Variants in MPPED1 observed in about 807,000 individuals in gnomAD.
The protein encoded by MPPED1 is metallophosphoesterase domain containing 1, also known as metallophosphoesterase domain-containing protein 1.
MPPED1 carries 16 observed loss-of-function variants against 36.2 expected under a neutral mutation model. The ratio of observed to expected loss-of-function variants is 0.44; its 90% confidence interval spans 0.30 to 0.67. The LOEUF is 0.67. Among genes scored for constraint, MPPED1 ranks in the 30% least tolerant of loss-of-function variants. The probability of loss-of-function intolerance (pLI) is 0.10; values close to 1 mark genes in which losing one functional copy is unlikely to be tolerated. For synonymous variants in MPPED1, 199 were observed against 191.3 expected, an observed-to-expected ratio of 1.04 and a Z score of -0.33; for missense variants, 307 against 453.4, an observed-to-expected ratio of 0.68 and a Z score of 2.93.
At chr22:43,467,008 C>T (rs1465791945) in intron 3 of MPPED1, among the ~76,000 whole-genome samples, 1 of 152,212 alleles carries the variant, frequency 6.6e-6, no homozygotes, top group Non-Finnish European at 1.5e-5. Flanking sequence ...TGCTTAAAAA[C>T]AAATCCGTGC....
intron 1 of MPPED1, among the ~76,000 whole-genome samples, chr22:43,421,201 C>T (rs537188567): frequency 3.3e-5 from 5 of 152,378 alleles, no homozygotes; most frequent in Admixed American, 2.6e-4. Context: ...GCGCCTCCTC[C>T]GTGGATCGGC....
In MPPED1 at chr22:43,497,929, G is replaced by GTATATATATATATATATATATATA. The variant is rs746068497; in HGVS notation, c.633-301_633-300insATATATATATATATATATATATAT. Among the ~76,000 whole-genome samples, 22 of 48,750 alleles carry GTATATATATATATATATATATATA rather than the reference G, an allele frequency of 4.5e-4. 1 individual carries two copies. The highest frequency in any genetic ancestry group is 1.0e-3 in the African/African-American group (16 of 15,852). 32.0% of individuals were successfully genotyped at this position (48,750 alleles called of 152,430 possible). ...CTTAGGAAGAAGCTGATATATATAT[G>GTATATATATATATATATATATATA]TATATGTATATATATATATGTATTT... On this transcript the variant is annotated intron_variant, in intron 4 of 6. Transcript: ENST00000443721.
chr22:43,432,220 G>GATAA (rs71186588), intron 2 of MPPED1, among the ~76,000 whole-genome samples: 1 of 150,896 alleles, frequency 6.6e-6, no homozygotes, highest in South Asian at 2.1e-4. Context: ...GAGAGAGAGA[G>GATAA]ACACAGAGAG....
rs1285028610 is a variant in MPPED1, at chr22:43,474,865, A to G, written c.536A>G (p.Glu179Gly). Residue 179 changes from glutamate (E) to glycine (G), a missense_variant, in exon 4 of 7, where the codon GAG (glutamate) becomes GGG (glycine). Glu to Gly is a moderately conservative substitution (Grantham distance 98, BLOSUM62 -2). This residue lies in a region of MPPED1 where 132 missense variants were observed against 212.3 expected (regional missense o/e 0.62). Transcript: ENST00000443721. The surrounding 1 kb of genome is among the most constrained non-coding windows in gnomAD (Gnocchi z 5.2). ...YFPSVSKLKP[E>G]NYENVQSLLT... ...CCATCTGTGTCGAAGCTGAAGCCGGAGAACTATGAGAATGTGCAGTCGCTG... is the reference window on the plus strand; with the variant it reads ...CCATCTGTGTCGAAGCTGAAGCCGGGGAACTATGAGAATGTGCAGTCGCTG... The G allele has an allele frequency of 1.9e-6, 3 of 1,614,064 alleles. No individual in the cohort carries two copies. Among genetic ancestry groups the G allele is most frequent in the South Asian group, 1.1e-5 (1 of 91,084 alleles).
intron 4 of MPPED1, among the ~76,000 whole-genome samples, chr22:43,492,192 TTGAG>T (rs1408699207): frequency 1.3e-5 from 2 of 152,116 alleles, no homozygotes; most frequent in African/African-American, 4.8e-5. Flanking sequence ...AACAGCCGTA[TTGAG>T]TATTATCCCC....
At chr22:43,497,291 C>T (rs534656927) in intron 4 of MPPED1, among the ~76,000 whole-genome samples, 6 of 151,868 alleles carry the variant, frequency 4.0e-5, no homozygotes, top group African/African-American at 1.2e-4. Flanking sequence ...GTGAAACCTA[C>T]GGGATGATTC....
intron 4 of MPPED1, among the ~76,000 whole-genome samples, chr22:43,481,061 G>A (rs1931733895): frequency 2.6e-5 from 4 of 152,180 alleles, no homozygotes; most frequent in Admixed American, 2.6e-4. Flanking sequence ...GACCTCAAGT[G>A]ATCCACCTGC....
intron 2 of MPPED1, among the ~76,000 whole-genome samples, chr22:43,434,624 G>C (rs767528115): frequency 6.6e-6 from 1 of 152,202 alleles, no homozygotes; most frequent in Non-Finnish European, 1.5e-5. Context: ...CTTCATGGGA[G>C]GGAAGTGAGT....
chr22:43,429,126 A>G (rs1929585783), intron 2 of MPPED1, among the ~76,000 whole-genome samples: 1 of 152,174 alleles, frequency 6.6e-6, no homozygotes, highest in Non-Finnish European at 1.5e-5. Context: ...TGCCAGGCCT[A>G]GAGTAGTCCC....
chr22:43,493,826 G>T (rs1185302190), intron 4 of MPPED1, among the ~76,000 whole-genome samples: 1 of 152,186 alleles, frequency 6.6e-6, no homozygotes, highest in Non-Finnish European at 1.5e-5. Flanking sequence ...CAGGGGTGAA[G>T]GTCGTCCCAG....
intron 3 of MPPED1, among the ~76,000 whole-genome samples, chr22:43,453,355 T>A (rs1164243406): frequency 1.3e-5 from 2 of 151,890 alleles, no homozygotes; most frequent in Admixed American, 6.6e-5. Context: ...GGGTTTTCTG[T>A]AGCCAGAAGA....
At chr22:43,495,469 G>T (rs371891185) in intron 4 of MPPED1, among the ~76,000 whole-genome samples, 87 of 127,634 alleles carry the variant, frequency 6.8e-4, no homozygotes, top group Middle Eastern at 4.9e-3. Flanking sequence ...AAGTGCTGGT[G>T]ATGGTGGAGG....
rs371051285 is a variant in MPPED1 at position 43,502,677 on chromosome 22, G to A, written c.782G>A (p.Arg261Gln). 12 of 1,613,180 alleles carry A rather than the reference G, an allele frequency of 7.4e-6. No homozygotes were observed. The highest frequency in any genetic ancestry group is 2.7e-5 in the African/African-American group (2 of 74,946). The change falls in exon 6 of 7, where the codon CGG becomes CAG. Residue 261 changes from arginine to glutamine, a missense_variant. This residue lies in a region of MPPED1 where 132 missense variants were observed against 212.3 expected (regional missense o/e 0.62). Coordinates refer to ENST00000443721, the MANE Select transcript of MPPED1 (RefSeq NM_001044370.2). This position sits in a 1 kb window ranked among gnomAD's most constrained non-coding sequence, Gnocchi z 5.5. ...FLDWVPKKMQ[R>Q]VGCVELLNTV... is the part of the protein sequence containing the mutation. ...GACTGGGTCCCCAAGAAGATGCAGC[G>A]GGTGGGCTGTGTGGAGCTGCTCAAC...
In MPPED1 at chr22:43,498,334, C is replaced by T; in HGVS notation, c.732C>T (p.Thr244=). ...CCGAAGGCGTAGACATCCTGATAACCCATGGACCACCACTGGGTAAGGCTC... is the reference window on the plus strand; with the variant it reads ...CCGAAGGCGTAGACATCCTGATAACTCATGGACCACCACTGGGTAAGGCTC... The part of the protein sequence containing the change: ...LIPEGVDILI[T]HGPPLGFLDW... Residue 244 remains threonine, a synonymous_variant, in exon 5 of 7, where the codon ACC becomes ACT. Coordinates refer to ENST00000443721, the MANE Select transcript of MPPED1 (RefSeq NM_001044370.2). The T allele has an allele frequency of 6.5e-7, 1 of 1,535,002 alleles. No individual in the cohort carries two copies.
chr22:43,428,077 A>T (rs1929543906), intron 2 of MPPED1, among the ~76,000 whole-genome samples: 1 of 152,140 alleles, frequency 6.6e-6, no homozygotes, highest in South Asian at 2.1e-4. Flanking sequence ...CAGTGATCGA[A>T]GGCACCCCTG....
intron 3 of MPPED1, among the ~76,000 whole-genome samples, chr22:43,458,755 T>C (rs770657563): frequency 2.0e-5 from 3 of 152,252 alleles, no homozygotes; most frequent in Non-Finnish European, 2.9e-5. Context: ...TCTGTTTATC[T>C]GGGAATGACT....
chr22:43,484,485 G>A (rs1331030891), intron 4 of MPPED1, among the ~76,000 whole-genome samples: 1 of 152,142 alleles, frequency 6.6e-6, no homozygotes, highest in African/African-American at 2.4e-5. Flanking sequence ...GCCTCTGGCA[G>A]TCCCTGCTGA....
intron 4 of MPPED1, among the ~76,000 whole-genome samples, chr22:43,486,401 C>T (rs558538553): frequency 6.4e-4 from 97 of 152,040 alleles, no homozygotes; most frequent in African/African-American, 2.2e-3. Flanking sequence ...GAAGAACAAA[C>T]GGGTGGGGAT....
At chr22:43,483,686 C>T (rs1264662655) in intron 4 of MPPED1, among the ~76,000 whole-genome samples, 2 of 152,254 alleles carry the variant, frequency 1.3e-5, no homozygotes, top group Non-Finnish European at 2.9e-5. Flanking sequence ...ATGGCAGGCT[C>T]TTGGCCAGCA....
Sources: allele counts gnomAD v4.1 joint callset (sites outside exome capture counted in the v4.1 genomes callset), GRCh38; gene constraint gnomAD v4.1.1; regional missense constraint gnomAD v4.1.1; non-coding constraint Gnocchi (gnomAD v3.1); transcripts MANE v1.5; gene names NCBI Gene and HGNC (gene_info 2026-07-23, HGNC 2026-07-21).